Variants in RND1 observed in about 807,000 individuals in gnomAD.
RND1 encodes rho-related GTP-binding protein Rho6.
RND1 carries 9 observed loss-of-function variants against 27.1 expected under a neutral mutation model. The ratio of observed to expected loss-of-function variants is 0.33; its 90% confidence interval spans 0.20 to 0.58. The LOEUF (loss-of-function observed/expected upper bound fraction) is 0.58. RND1 is among the 20% of genes least tolerant of loss of function. The probability of loss-of-function intolerance (pLI) is 0.86; values close to 1 mark genes in which losing one functional copy is unlikely to be tolerated. For missense variants in RND1, 253 were observed against 292.2 expected (o/e 0.87, Z 0.98); for synonymous variants, 108 against 115.7 (o/e 0.93, Z 0.43).
chr12:48,859,404 T>C (rs1384961798), intron 4 of RND1: 1 of 151,824 alleles, frequency 6.6e-6, no homozygotes, highest in Non-Finnish European at 1.5e-5. Context: ...GCTGGGCGTG[T>C]TGGCAGGCAC....
At position 48,865,743 on chromosome 12, in the gene RND1, G is replaced by GC; in HGVS notation, c.24dup (p.Pro9AlafsTer7). 6.2e-7 allele frequency: 1 copy of GC among 1,607,112 alleles called. No homozygotes were observed. Among genetic ancestry groups the GC allele is most frequent in the Non-Finnish European group, 8.5e-7 (1 of 1,174,726 alleles). On this transcript the variant is annotated frameshift_variant, in exon 1 of 5. Transcript: ENST00000309739. LOFTEE classifies it high-confidence loss of function. ...ACGAGCTTACATCTGGCCACGACTG[G>GC]CTGGGGGGCCCGTCTCTCCTTCATG...
intron 4 of RND1, chr12:48,858,603 CAGG>C (rs945304559): frequency 1.1e-4 from 21 of 185,328 alleles, no homozygotes; most frequent in African/African-American, 4.9e-4. Context: ...TTGAGGAGGC[CAGG>C]AGTTCAAGAC....
At chr12:48,865,502 AAAAGCAGCTGAGGATGGT>A in intron 1 of RND1, 128 bp downstream of exon 1, 1 of 958,190 alleles carries the variant, frequency 1.0e-6, no homozygotes, top group South Asian at 1.4e-5. Context: ...CCTCCAGCCA[AAAAGCAGCTGAGGATGGT>A]AAAGCCTCAG....
At position 48,865,753 on chromosome 12, in the gene RND1, CCGTCT is replaced by C. The variant is rs1565684375; in HGVS notation, c.10_14del (p.Arg4GlyfsTer10). 1 of 1,603,558 alleles carries C rather than the reference CCGTCT, an allele frequency of 6.2e-7. No individual in the cohort carries two copies. The highest frequency in any genetic ancestry group is 8.5e-7 in the Non-Finnish European group (1 of 1,172,324). On this transcript the variant is annotated frameshift_variant, in exon 1 of 5. Coordinates refer to ENST00000309739, the MANE Select transcript of RND1 (RefSeq NM_014470.4). LOFTEE classifies it high-confidence loss of function. Reference sequence around the variant, plus strand: ...ATCTGGCCACGACTGGCTGGGGGGCCCGTCTCTCCTTCATGGTTGCAGTGTCCGCG... The same window carrying C: ...ATCTGGCCACGACTGGCTGGGGGGCCCTCCTTCATGGTTGCAGTGTCCGCG...
At chr12:48,862,348 T>C (rs1938929380) in intron 2 of RND1, 2 of 466,416 alleles carry the variant, frequency 4.3e-6, no homozygotes, top group African/African-American at 2.0e-5. Flanking sequence ...ATAAAGTGGG[T>C]GGAGTATAAT....
Position 48,858,133 on chromosome 12 carries a change from G to A in RND1, c.562C>T (p.Leu188=). 1.9e-6 allele frequency: 3 copies of A among 1,614,140 alleles called. No homozygotes were observed. Among genetic ancestry groups the A allele is most frequent in the Non-Finnish European group, 2.5e-6 (3 of 1,180,018 alleles). The change falls in exon 5 of 5, where the codon CTG becomes TTG. Residue 188 remains leucine, a synonymous_variant. Transcript: ENST00000309739. ...SIFRTASMLC[L]NKPSPLPQKS... ...TGGGGCAGTGGGCTAGGCTTGTTCA[G>A]ACACAGCATGGATGCCGTCCGAAAG... is the stretch of plus-strand genomic sequence containing the variant.
intron 1 of RND1, 30 bp downstream of exon 1, chr12:48,865,618 A>C: frequency 1.3e-6 from 2 of 1,594,128 alleles, no homozygotes; most frequent in Non-Finnish European, 1.7e-6. Context: ...CAGGGAGAAA[A>C]GCCGGCCAGC....
In RND1 at chr12:48,857,236, C is replaced by G. The variant is rs536796947; in HGVS notation, c.*760G>C. On this transcript the variant is annotated 3_prime_UTR_variant, in exon 5 of 5. Transcript: ENST00000309739. Reference sequence around the variant, plus strand: ...AGATTGAAACACTCCCCCCCTCCCCCCAATTCCAAAGACAAGAGTCTATAA... The same window carrying G: ...AGATTGAAACACTCCCCCCCTCCCCGCAATTCCAAAGACAAGAGTCTATAA... 6.6e-6 allele frequency: 1 copy of G among 151,364 alleles called. No individual in the cohort carries two copies. Among genetic ancestry groups the G allele is most frequent in the South Asian group, 2.1e-4 (1 of 4,682 alleles). 9.4% of individuals were successfully genotyped at this position (151,364 alleles called of 1,614,324 possible). A position where few individuals can be genotyped will look rare whatever the true frequency, so the allele number is the denominator to read the frequency against.
At chr12:48,860,472 T>C (rs922538009) in intron 4 of RND1, among the ~76,000 whole-genome samples, 1 of 150,486 alleles carries the variant, frequency 6.6e-6, no homozygotes, top group African/African-American at 2.5e-5. Flanking sequence ...CCTTGCAGCC[T>C]CAACCTCCTG....
At chr12:48,863,186 G>A (rs1157503995) in intron 2 of RND1, among the ~76,000 whole-genome samples, 1 of 152,170 alleles carries the variant, frequency 6.6e-6, no homozygotes, top group Admixed American at 6.5e-5. Context: ...AGTAAATAAT[G>A]GGAACAGGGT....
At chr12:48,861,588 C>A (rs1938919920) in intron 3 of RND1, among the ~76,000 whole-genome samples, 1 of 152,150 alleles carries the variant, frequency 6.6e-6, no homozygotes, top group Admixed American at 6.5e-5. Flanking sequence ...TGGATCTGCC[C>A]AGACCTAAGC....
At chr12:48,864,690 T>A in intron 2 of RND1, 93 bp downstream of exon 2, 1 of 963,468 alleles carries the variant, frequency 1.0e-6, no homozygotes, top group Non-Finnish European at 1.7e-6. Flanking sequence ...TTTTCACTTC[T>A]CCCCACCAAA....
Position 48,862,059 on chromosome 12 carries a change from G to A in RND1, c.268C>T (p.Leu90=), listed in dbSNP as rs1289835621. 3 of 1,613,718 alleles carry A rather than the reference G, an allele frequency of 1.9e-6. No individual in the cohort carries two copies. The South Asian group carries it at 3.3e-5, about 18-fold the overall frequency. ...TCTGGACGGCTGATGTCAAAACATA[G>A]TAATACTGCATCCGAGTCGCTGTAG... ...LCYSDSDAVL[L]CFDISRPETV... is the part of the protein sequence containing the mutation. Residue 90 remains leucine (L), a synonymous_variant, in exon 3 of 5, where the codon CTA becomes TTA. Coordinates refer to ENST00000309739, the MANE Select transcript of RND1 (RefSeq NM_014470.4).
rs1244778912 is a variant in RND1 at position 48,864,866 on chromosome 12, T to C, written c.125A>G (p.Tyr42Cys). Residue 42 changes from tyrosine to cysteine, a missense_variant, in exon 2 of 5, where the codon TAT (tyrosine) becomes TGT (cysteine). Physicochemically the swap from Tyr to Cys is radical, Grantham distance 194. Coordinates refer to ENST00000309739, the MANE Select transcript of RND1 (RefSeq NM_014470.4). ...VLAKDCYPETYVPTVFENYTA... is the reference protein window; with the variant it reads ...VLAKDCYPETCVPTVFENYTA... ...GTAATTTTCGAACACGGTGGGCACATAGGTCTGTGAAAAGAGAGGAAACAT... is the reference window on the plus strand; with the variant it reads ...GTAATTTTCGAACACGGTGGGCACACAGGTCTGTGAAAAGAGAGGAAACAT... 2 of 1,612,732 alleles carry C rather than the reference T, an allele frequency of 1.2e-6. No homozygotes were observed. The highest frequency in any genetic ancestry group is 1.7e-6 in the Non-Finnish European group (2 of 1,178,988).
chr12:48,858,853 GAC>G (rs1188233423), intron 4 of RND1: 5 of 132,150 alleles, frequency 3.8e-5, no homozygotes, highest in African/African-American at 1.5e-4. Flanking sequence ...CATTCTGGGT[GAC>G]AGAGTAAGAC....
At position 48,858,071 on chromosome 12, in the gene RND1, G is replaced by T. The variant is rs776488289; in HGVS notation, c.624C>A (p.Leu208=). 5.0e-6 allele frequency: 8 copies of T among 1,614,050 alleles called. No homozygotes were observed. The highest frequency in any genetic ancestry group is 6.8e-6 in the Non-Finnish European group (8 of 1,180,026). Residue 208 remains leucine (L), a synonymous_variant, in exon 5 of 5, where the codon CTC becomes CTA. Transcript: ENST00000309739. ...TGAGTTCAGAGCGACTGGGGAGGTG[G>T]AGCAGTCGTTTGGAGAGGCTTCGGA... is the stretch of plus-strand genomic sequence containing the variant. ...SPVRSLSKRL[L]HLPSRSELIS...
rs768402074 is a variant in RND1 at position 48,860,963 on chromosome 12, C to G, written c.453+34G>C. 3.7e-6 allele frequency: 6 copies of G among 1,612,038 alleles called. No individual in the cohort carries two copies. In the South Asian group the frequency reaches 5.5e-5, roughly 15 times the overall value. ...CTGTCTGCCTCTAGCCTTCCTCACT[C>G]CACCCCACGACATGCACTTGCATGC... On this transcript the variant is annotated intron_variant, in intron 4 of 4. Coordinates refer to ENST00000309739, the MANE Select transcript of RND1 (RefSeq NM_014470.4).
intron 1 of RND1, 193 bp downstream of exon 1, chr12:48,865,455 G>T: frequency 1.6e-6 from 1 of 633,488 alleles, no homozygotes; most frequent in Non-Finnish European, 2.8e-6. Flanking sequence ...GGCGGCAGAA[G>T]TGGAACAGGT....
chr12:48,865,497 A>G (rs777850994), intron 1 of RND1, 151 bp downstream of exon 1: 1 of 902,272 alleles, frequency 1.1e-6, no homozygotes, highest in Non-Finnish European at 1.7e-6. Flanking sequence ...GCAGTCCTCC[A>G]GCCAAAAAGC....
Sources: allele counts gnomAD v4.1 joint callset (sites outside exome capture counted in the v4.1 genomes callset), GRCh38; gene constraint gnomAD v4.1.1; transcripts MANE v1.5; gene names NCBI Gene and HGNC (gene_info 2026-07-23, HGNC 2026-07-21).